RFX6: variants seen among roughly 807,000 people sequenced by gnomAD.
The protein encoded by RFX6 is DNA-binding protein RFX6.
Under a neutral mutation model 110.8 loss-of-function variants are expected in RFX6, and 50 were observed. That is an observed-to-expected ratio of 0.45 (90% CI 0.36 to 0.57). The LOEUF is 0.57. Ranked by LOEUF, RFX6 falls within the 20% of genes least tolerant of loss-of-function variation. The pLI, the probability that RFX6 is intolerant of heterozygous loss-of-function variation, is 0.00. For synonymous variants in RFX6, 383 were observed against 411.2 expected (o/e 0.93, Z 0.83); for missense variants, 990 against 1,127.0 (o/e 0.88, Z 1.74).
chr6:116,892,893 G>C (rs544375279), intron 4 of RFX6, among the ~76,000 whole-genome samples: 1 of 152,160 alleles, frequency 6.6e-6, no homozygotes, highest in Admixed American at 6.5e-5. Flanking sequence ...CTTTATTGCT[G>C]AGGCCAGAGA....
At position 116,880,561 on chromosome 6, in the gene RFX6, T is replaced by C. The variant is rs754999939; in HGVS notation, c.398T>C (p.Ile133Thr). The C allele has an allele frequency of 9.3e-6, 15 of 1,612,788 alleles. No individual in the cohort carries two copies. The highest frequency in any genetic ancestry group is 1.1e-5 in the Non-Finnish European group (13 of 1,179,132). ...TTTCTTAGGCTTGAAGAGAATTACA[T>C]TGTATGTGAAGGAGTTTGCTTACCA... ...LTLQWLEENY[I>T]VCEGVCLPRC... Residue 133 changes from isoleucine to threonine, a missense_variant, in exon 3 of 19, where the codon ATT (isoleucine) becomes ACT (threonine). Around this residue, in one of 5 missense-constraint regions of RFX6, gnomAD observed 175 missense variants for 162.3 expected, o/e 1.08. Coordinates refer to ENST00000332958, the MANE Select transcript of RFX6 (RefSeq NM_173560.4).
rs190626777 is a variant in RFX6 at position 116,925,384 on chromosome 6, T to C, written c.1679-69T>C. ...ACAATGAAACATTTTCATTTTCTTT[T>C]TACTTGGGTTTATCTACGAGGAATG... On this transcript the variant is annotated intron_variant, in intron 15 of 18. Transcript: ENST00000332958. 873 of 1,204,424 alleles carry C rather than the reference T, an allele frequency of 7.2e-4. 2 individuals carry two copies. The highest frequency in any genetic ancestry group is 1.3e-3 in the Middle Eastern group (7 of 5,292). The allele number at this position is 1,204,424 out of a possible 1,614,324, so 74.6% of individuals were successfully genotyped here. A position where few individuals can be genotyped will look rare whatever the true frequency, so the allele number is the denominator to read the frequency against.
chr6:116,917,338 G>GT (rs5879394), intron 9 of RFX6, among the ~76,000 whole-genome samples: 6,008 of 139,142 alleles, frequency 0.043, 300 homozygotes, highest in African/African-American at 0.12. Context: ...GGATTGTCTT[G>GT]TTTTTTTTTT....
intron 16 of RFX6, 85 bp downstream of exon 16, chr6:116,925,744 C>A: frequency 1.2e-6 from 1 of 837,804 alleles, no homozygotes; most frequent in Non-Finnish European, 2.0e-6. Flanking sequence ...AACTTCCAGT[C>A]CAGGAATTCC....
chr6:116,916,275 C>T lies in RFX6; in HGVS notation c.933C>T (p.Ile311=), dbSNP rs755795794. 1.2e-6 allele frequency: 2 copies of T among 1,612,114 alleles called. No homozygotes were observed. The highest frequency in any genetic ancestry group is 1.7e-5 in the Admixed American group (1 of 59,882). The part of the protein sequence containing the change: ...HLLPLLENPV[I]IDIFCVCDSI... Reference sequence around the variant, plus strand: ...TTCCCCTGCTCGAAAATCCTGTTATCATTGATATTTTCTGTGTTTGTGACT... The same window carrying T: ...TTCCCCTGCTCGAAAATCCTGTTATTATTGATATTTTCTGTGTTTGTGACT... Residue 311 remains isoleucine, a synonymous_variant, in exon 9 of 19, where the codon ATC becomes ATT. Transcript: ENST00000332958.
At chr6:116,918,959 C>A (rs1287946110) in intron 10 of RFX6, among the ~76,000 whole-genome samples, 178 bp from the exon 11 acceptor site, 1 of 152,072 alleles carries the variant, frequency 6.6e-6, no homozygotes, top group Non-Finnish European at 1.5e-5. Context: ...ACCTCCTATG[C>A]ACCCACAAAC....
intron 7 of RFX6, among the ~76,000 whole-genome samples, chr6:116,911,602 A>G (rs1026288253): frequency 2.6e-5 from 4 of 152,198 alleles, no homozygotes; most frequent in Admixed American, 2.0e-4. Flanking sequence ...TGACTTTTCA[A>G]TGTTTATGTA....
chr6:116,887,866 A>T (rs1223526208), intron 4 of RFX6, among the ~76,000 whole-genome samples: 1 of 152,208 alleles, frequency 6.6e-6, no homozygotes, highest in Non-Finnish European at 1.5e-5. Context: ...CTTGCTCAGA[A>T]TGGCTTGGCT....
intron 14 of RFX6, 112 bp downstream of exon 14, chr6:116,923,336 C>A (rs1775642843): frequency 1.3e-6 from 1 of 750,466 alleles, no homozygotes; most frequent in African/African-American, 1.7e-5. Flanking sequence ...TAAACTGTAT[C>A]TGAATATGGA....
chr6:116,911,850 T>C (rs926831655), intron 7 of RFX6, among the ~76,000 whole-genome samples: 1 of 152,232 alleles, frequency 6.6e-6, no homozygotes, highest in African/African-American at 2.4e-5. Flanking sequence ...CCAGATGCTT[T>C]ACTTTAGTAA....
intron 6 of RFX6, among the ~76,000 whole-genome samples, chr6:116,907,606 A>G (rs1333830103): frequency 6.6e-6 from 1 of 152,100 alleles, no homozygotes; most frequent in Non-Finnish European, 1.5e-5. Context: ...TATGACATCT[A>G]TCTTTTCGAA....
chr6:116,922,018 C>CTTTTTTTTTTTTT (rs77230084), intron 12 of RFX6, 24 bp from the exon 13 acceptor site: 3 of 883,822 alleles, frequency 3.4e-6, no homozygotes, highest in Non-Finnish European at 3.6e-6. Flanking sequence ...TCTTTTCTTT[C>CTTTTTTTTTTTTT]TTTTTTTTTT....
intron 4 of RFX6, among the ~76,000 whole-genome samples, chr6:116,890,745 C>T (rs372580427): frequency 7.2e-5 from 11 of 152,012 alleles, no homozygotes; most frequent in African/African-American, 1.7e-4. Flanking sequence ...TTACATTTGA[C>T]TTATACATAA....
At chr6:116,889,317 T>G (rs1466002612) in intron 4 of RFX6, among the ~76,000 whole-genome samples, 1 of 152,180 alleles carries the variant, frequency 6.6e-6, no homozygotes, top group Non-Finnish European at 1.5e-5. Flanking sequence ...AACCAGTAAA[T>G]GTATGAGGAT....
At chr6:116,884,975 A>G (rs1774668785) in intron 4 of RFX6, 1 of 123,996 alleles carries the variant, frequency 8.1e-6, no homozygotes, top group African/African-American at 3.5e-5. Flanking sequence ...TACATATGGT[A>G]AAAATATAGC....
intron 4 of RFX6, among the ~76,000 whole-genome samples, chr6:116,891,534 A>T (rs1403320561): frequency 2.0e-5 from 3 of 152,224 alleles, no homozygotes; most frequent in Non-Finnish European, 4.4e-5. Context: ...AGAACATGAA[A>T]TTACAACATC....
chr6:116,901,872 A>G (rs1010970205), intron 6 of RFX6, among the ~76,000 whole-genome samples: 1 of 152,100 alleles, frequency 6.6e-6, no homozygotes, highest in Non-Finnish European at 1.5e-5. Flanking sequence ...GTGCACAAGG[A>G]GGTGTGTATG....
intron 6 of RFX6, among the ~76,000 whole-genome samples, chr6:116,902,108 T>C (rs1775088226): frequency 6.6e-6 from 1 of 152,086 alleles, no homozygotes; most frequent in Non-Finnish European, 1.5e-5. Flanking sequence ...ATACATAGTG[T>C]ATTATACCAG....
intron 4 of RFX6, among the ~76,000 whole-genome samples, chr6:116,885,245 T>C (rs1427166549): frequency 6.6e-6 from 1 of 152,202 alleles, no homozygotes; most frequent in Non-Finnish European, 1.5e-5. Context: ...ATTCAGCTTT[T>C]CACCAGTAAA....
Sources: gnomAD v4.1 joint callset for allele counts (sites outside exome capture counted in the v4.1 genomes callset) on GRCh38, gnomAD v4.1.1 for gene constraint, gnomAD v4.1.1 regional missense constraint, MANE v1.5 for transcripts, NCBI Gene and HGNC (gene_info 2026-07-23, HGNC 2026-07-21) for gene names.